KCNJ6: variants seen among roughly 807,000 people sequenced by gnomAD.
KCNJ6 encodes G protein-activated inward rectifier potassium channel 2.
KCNJ6 carries 9 observed loss-of-function variants against 34.2 expected under a neutral mutation model. The observed-to-expected ratio is 0.26, with a 90% CI of 0.16 to 0.46. The LOEUF (loss-of-function observed/expected upper bound fraction) is 0.46, where lower values mean the gene tolerates loss of function less well. Among genes scored for constraint, KCNJ6 ranks in the 20% least tolerant of loss-of-function variants. KCNJ6 has a pLI of 1.00. For missense variants in KCNJ6, 236 were observed against 531.3 expected (o/e 0.44, Z 5.46); for synonymous variants, 196 against 207.1 (o/e 0.95, Z 0.46).
intron 2 of KCNJ6, among the ~76,000 whole-genome samples, chr21:37,721,822 A>G (rs2054827932): frequency 6.6e-6 from 1 of 152,200 alleles, no homozygotes; most frequent in Non-Finnish European, 1.5e-5. Context: ...TTACATTTCA[A>G]TTTGTCTTGG....
chr21:37,677,457 A>T, intron 3 of KCNJ6, among the ~76,000 whole-genome samples: 1 of 152,148 alleles, frequency 6.6e-6, no homozygotes, highest in East Asian at 1.9e-4. Context: ...TTGCAGAAAT[A>T]CTAACGAGTG....
At chr21:37,731,767 C>CA (rs904205627) in intron 2 of KCNJ6, among the ~76,000 whole-genome samples, 37 of 152,190 alleles carry the variant, frequency 2.4e-4, no homozygotes, top group African/African-American at 8.7e-4. Flanking sequence ...CCAGATACTT[C>CA]AGGAAGCATC....
intron 2 of KCNJ6, among the ~76,000 whole-genome samples, chr21:37,821,136 T>C (rs1413266833): frequency 6.6e-6 from 1 of 152,216 alleles, no homozygotes; most frequent in African/African-American, 2.4e-5. Context: ...CATGGTTTTG[T>C]GAAGGTGTGA....
chr21:37,723,930 CAAAT>C (rs1488731420), intron 2 of KCNJ6, among the ~76,000 whole-genome samples: 35 of 147,162 alleles, frequency 2.4e-4, no homozygotes, highest in Admixed American at 2.3e-3. Context: ...TGATAGAAAA[CAAAT>C]AAAAAAAAAA....
intron 2 of KCNJ6, among the ~76,000 whole-genome samples, chr21:37,736,009 G>A (rs1023268833): frequency 1.3e-5 from 2 of 152,118 alleles, no homozygotes; most frequent in African/African-American, 2.4e-5. Flanking sequence ...TGACTTTTTC[G>A]GTAGCACAGA....
intron 3 of KCNJ6, among the ~76,000 whole-genome samples, chr21:37,670,672 G>A (rs1032246880): frequency 6.6e-6 from 1 of 152,170 alleles, no homozygotes; most frequent in Non-Finnish European, 1.5e-5. Flanking sequence ...GGCTGAGGTG[G>A]GAGAATTACT....
In KCNJ6 at chr21:37,614,606, C is replaced by CTG. The variant is rs56158912; in HGVS notation, c.*10551_*10552dup. 139,056 of 142,422 alleles carry CTG rather than the reference C, an allele frequency of 0.98. 67,885 individuals are homozygous for CTG. The highest frequency in any genetic ancestry group is 1 in the East Asian group (4,846 of 4,868). The allele number at this position is 142,422 out of a possible 1,614,324, so 8.8% of individuals were successfully genotyped here. A position where few individuals can be genotyped will look rare whatever the true frequency, so the allele number is the denominator to read the frequency against. On this transcript the variant is annotated 3_prime_UTR_variant, in exon 4 of 4. Coordinates refer to ENST00000609713, the MANE Select transcript of KCNJ6 (RefSeq NM_002240.5). ...TGTATGCATGTGTGTGTATGCATGT[C>CTG]TGTATGCGTGTGTGTATGCATATGT...
chr21:37,859,519 A>AGC (rs2055583536), intron 1 of KCNJ6, among the ~76,000 whole-genome samples: 2 of 65,144 alleles, frequency 3.1e-5, no homozygotes, highest in South Asian at 1.1e-3. Context: ...ATATATATAT[A>AGC]TATATATATA....
intron 1 of KCNJ6, among the ~76,000 whole-genome samples, chr21:37,863,241 G>C (rs984227884): frequency 6.6e-6 from 1 of 152,116 alleles, no homozygotes; most frequent in Non-Finnish European, 1.5e-5. Context: ...TAAAATTTTA[G>C]GTTCTTAGTT....
intron 3 of KCNJ6, among the ~76,000 whole-genome samples, chr21:37,713,677 C>G (rs939522428): frequency 6.6e-6 from 1 of 152,168 alleles, no homozygotes; most frequent in East Asian, 1.9e-4. Flanking sequence ...CAGCTTTATA[C>G]TTACTGGGAG....
chr21:37,637,784 T>G (rs139917610), intron 3 of KCNJ6, among the ~76,000 whole-genome samples: 14 of 152,330 alleles, frequency 9.2e-5, no homozygotes, highest in Non-Finnish European at 1.3e-4. Flanking sequence ...ATGGGTATCC[T>G]TAAGAGGAAG....
intron 3 of KCNJ6, among the ~76,000 whole-genome samples, chr21:37,687,962 C>T (rs1035200541): frequency 6.6e-6 from 1 of 152,164 alleles, no homozygotes; most frequent in African/African-American, 2.4e-5. Context: ...TATTCAATAA[C>T]TGTGGATGAT....
intron 2 of KCNJ6, among the ~76,000 whole-genome samples, chr21:37,777,346 T>C (rs1190976602): frequency 6.6e-6 from 1 of 152,162 alleles, no homozygotes; most frequent in Non-Finnish European, 1.5e-5. Flanking sequence ...ATCTGCTCTT[T>C]TCTTTCTTTC....
intron 2 of KCNJ6, among the ~76,000 whole-genome samples, chr21:37,798,457 CAT>C (rs1022317826): frequency 2.6e-5 from 4 of 152,156 alleles, no homozygotes; most frequent in African/African-American, 9.7e-5. Context: ...AGAAAGAAAA[CAT>C]ATGCTCACAC....
At chr21:37,722,909 A>G (rs1268732185) in intron 2 of KCNJ6, among the ~76,000 whole-genome samples, 1 of 152,228 alleles carries the variant, frequency 6.6e-6, no homozygotes, top group Non-Finnish European at 1.5e-5. Flanking sequence ...CTTGAAAACA[A>G]TTGCAACAAG....
intron 1 of KCNJ6, among the ~76,000 whole-genome samples, chr21:37,867,157 TATTA>T (rs934987607): frequency 6.6e-6 from 1 of 152,246 alleles, no homozygotes; most frequent in African/African-American, 2.4e-5. Context: ...ATGATTTCCT[TATTA>T]ATTAATAAGT....
intron 1 of KCNJ6, among the ~76,000 whole-genome samples, chr21:37,900,349 T>A (rs2055810590): frequency 6.6e-6 from 1 of 152,204 alleles, no homozygotes. Context: ...TCACTCACAA[T>A]GCAGCCACCA....
At chr21:37,826,256 A>G (rs2055398544) in intron 2 of KCNJ6, among the ~76,000 whole-genome samples, 1 of 152,226 alleles carries the variant, frequency 6.6e-6, no homozygotes, top group African/African-American at 2.4e-5. Flanking sequence ...CTTCAAAGTC[A>G]TCCCTTGATT....
rs1601391456 is a variant in KCNJ6 at position 37,624,309 on chromosome 21, G to A, written c.*850C>T. On this transcript the variant is annotated 3_prime_UTR_variant, in exon 4 of 4. Coordinates refer to ENST00000609713, the MANE Select transcript of KCNJ6 (RefSeq NM_002240.5). Reference sequence around the variant, plus strand: ...AGACCTATGGCTTGTTGGATTCAATGAAAGGATCCGTGTGGGAACAGTGAG... The same window carrying A: ...AGACCTATGGCTTGTTGGATTCAATAAAAGGATCCGTGTGGGAACAGTGAG... 1 of 152,122 alleles carries A rather than the reference G, an allele frequency of 6.6e-6. No individual in the cohort carries two copies. The highest frequency in any genetic ancestry group is 6.6e-5 in the Admixed American group (1 of 15,266). 9.4% of individuals were successfully genotyped at this position (152,122 alleles called of 1,614,324 possible). A position where few individuals can be genotyped will look rare whatever the true frequency, so the allele number is the denominator to read the frequency against.
Sources: allele counts gnomAD v4.1 joint callset (sites outside exome capture counted in the v4.1 genomes callset), GRCh38; gene constraint gnomAD v4.1.1; transcripts MANE v1.5; gene names NCBI Gene and HGNC (gene_info 2026-07-23, HGNC 2026-07-21).